Variants in SMAD4 observed in about 807,000 individuals in gnomAD.
SMAD4 encodes SMAD family member 4, also known as MAD homolog 4.
SMAD4 carries 7 observed loss-of-function variants against 63.2 expected under a neutral mutation model. That is an observed-to-expected ratio of 0.11 (90% CI 0.06 to 0.21). The LOEUF is 0.21. Ranked by LOEUF, SMAD4 falls within the 10% of genes least tolerant of loss-of-function variation. The probability of loss-of-function intolerance (pLI) is 1.00; values close to 1 mark genes in which losing one functional copy is unlikely to be tolerated. For missense variants in SMAD4, 312 were observed against 693.8 expected, an observed-to-expected ratio of 0.45 and a Z score of 6.18; for synonymous variants, 215 against 235.4, an observed-to-expected ratio of 0.91 and a Z score of 0.79.
At chr18:51,071,265 TACACACACACACACATAC>T (rs1391750807) in intron 10 of SMAD4, among the ~76,000 whole-genome samples, 2 of 150,626 alleles carry the variant, frequency 1.3e-5, no homozygotes, top group African/African-American at 2.4e-5. Context: ...TGCATGCACA[TACACACACACACACATAC>T]ACACACACAC....
rs971808024 is a variant in SMAD4, at chr18:51,079,412, A to T, written c.*945A>T. On this transcript the variant is annotated 3_prime_UTR_variant, in exon 12 of 12. Transcript: ENST00000342988. ...TTAAACTAAATAATGAATAAACTGA[A>T]TATTTTGGAAACTGCTAAATTCTAT... 27 of 233,380 alleles carry T rather than the reference A, an allele frequency of 1.2e-4. 1 individual carries two copies. Among genetic ancestry groups the T allele is most frequent in the Non-Finnish European group, 3.4e-5 (4 of 117,966 alleles). 14.5% of individuals were successfully genotyped at this position (233,380 alleles called of 1,614,324 possible). A position where few individuals can be genotyped will look rare whatever the true frequency, so the allele number is the denominator to read the frequency against.
In SMAD4 at chr18:51,066,876, T is replaced by C. The variant is rs573585169; in HGVS notation, c.1140-143T>C. On this transcript the variant is annotated intron_variant, in intron 9 of 11. Transcript: ENST00000342988. ...GAACAGGAAAAGAAAAAAGGAAATA[T>C]ACAAAAATGTTAATAGCTATCTTTT... 2.2e-4 allele frequency: 145 copies of C among 664,202 alleles called. No homozygotes were observed. In the African/African-American group the frequency reaches 2.2e-3, roughly 10 times the overall value. The allele number at this position is 664,202 out of a possible 1,614,324, so 41.1% of individuals were successfully genotyped here.
intron 1 of SMAD4, among the ~76,000 whole-genome samples, chr18:51,040,087 T>C (rs1470778756): frequency 2.0e-5 from 3 of 152,142 alleles, no homozygotes; most frequent in South Asian, 2.1e-4. Flanking sequence ...AGTAATAACA[T>C]TGATATATTA....
intron 4 of SMAD4, chr18:51,054,234 A>C (rs940865775): frequency 6.3e-6 from 1 of 157,858 alleles, no homozygotes. Context: ...TTCTAAACCT[A>C]TAGGGGACAT....
In SMAD4 at chr18:51,081,677, G is replaced by T. The variant is rs1221928310; in HGVS notation, c.*3210G>T. 9 of 232,878 alleles carry T rather than the reference G, an allele frequency of 3.9e-5. No individual in the cohort carries two copies. Among genetic ancestry groups the T allele is most frequent in the Admixed American group, 2.8e-4 (5 of 17,782 alleles). 14.4% of individuals were successfully genotyped at this position (232,878 alleles called of 1,614,324 possible). On this transcript the variant is annotated 3_prime_UTR_variant, in exon 12 of 12. Coordinates refer to ENST00000342988, the MANE Select transcript of SMAD4 (RefSeq NM_005359.6). Reference sequence around the variant, plus strand: ...TTAAAATCCATTTTTGTGGGGCAGGGTGTGGTGTGTAAAGGGGGGTGTTTG... The same window carrying T: ...TTAAAATCCATTTTTGTGGGGCAGGTTGTGGTGTGTAAAGGGGGGTGTTTG...
At position 51,074,731 on chromosome 18, in the gene SMAD4, C is replaced by T. The variant is rs1055247380; in HGVS notation, c.1309-1907C>T. Among the ~76,000 whole-genome samples, 3 of 152,248 alleles carry T rather than the reference C, an allele frequency of 2.0e-5. No homozygotes were observed. In the East Asian group the frequency reaches 5.8e-4, roughly 29 times the overall value. ...TATTTACCTTTTCAAATGTTTGAGT[C>T]CCTGCTTTGTTCTGTACTGGGTAAT... is the stretch of plus-strand genomic sequence containing the variant. On this transcript the variant is annotated intron_variant, in intron 10 of 11. Coordinates refer to ENST00000342988, the MANE Select transcript of SMAD4 (RefSeq NM_005359.6).
At chr18:51,038,634 T>C (rs1207424247) in intron 1 of SMAD4, among the ~76,000 whole-genome samples, 1 of 152,246 alleles carries the variant, frequency 6.6e-6, no homozygotes, top group Non-Finnish European at 1.5e-5. Flanking sequence ...GAAGCAGATA[T>C]GGGAATCCAG....
intron 1 of SMAD4, among the ~76,000 whole-genome samples, chr18:51,043,189 GA>G (rs1909440596): frequency 6.6e-6 from 1 of 151,770 alleles, no homozygotes; most frequent in Non-Finnish European, 1.5e-5. Flanking sequence ...TTATTTGTTG[GA>G]AAAAAAATGG....
rs748283001 is a variant in SMAD4, at chr18:51,065,420, T to C, written c.956-3T>C. On this transcript the variant is annotated splice_polypyrimidine_tract_variant and splice_region_variant and intron_variant, in intron 8 of 11. Coordinates refer to ENST00000342988, the MANE Select transcript of SMAD4 (RefSeq NM_005359.6). ...GATGTTCTTTCCCATTTATTTCCTA[T>C]AGCTCCTGAGTATTGGTGTTCCATT... The C allele has an allele frequency of 5.0e-6, 8 of 1,609,026 alleles. No homozygotes were observed. The African/African-American group carries it at 9.3e-5, about 19-fold the overall frequency.
intron 8 of SMAD4, 27 bp from the exon 9 acceptor site, chr18:51,065,396 A>C (rs1348121712): frequency 6.3e-7 from 1 of 1,578,392 alleles, no homozygotes; most frequent in Non-Finnish European, 8.7e-7. Context: ...TCATGGGAGG[A>C]TGTTCTTTCC....
At chr18:51,037,189 CAA>C (rs982604755) in intron 1 of SMAD4, among the ~76,000 whole-genome samples, 1 of 151,982 alleles carries the variant, frequency 6.6e-6, no homozygotes, top group African/African-American at 2.4e-5. Context: ...CTCAAAAAAA[CAA>C]AAAAAGTTTT....
At chr18:51,040,653 G>C (rs1424748442) in intron 1 of SMAD4, among the ~76,000 whole-genome samples, 1 of 152,192 alleles carries the variant, frequency 6.6e-6, no homozygotes, top group Non-Finnish European at 1.5e-5. Context: ...TTTAATTTTA[G>C]AGAGTATCTT....
At chr18:51,052,664 A>G (rs1017867824) in intron 4 of SMAD4, 2 of 284,620 alleles carry the variant, frequency 7.0e-6, no homozygotes, top group Non-Finnish European at 7.1e-6. Flanking sequence ...TCAAAATACT[A>G]TAAAAAGGTA....
intron 5 of SMAD4, among the ~76,000 whole-genome samples, chr18:51,057,374 T>C (rs1464425921): frequency 1.3e-5 from 2 of 152,178 alleles, no homozygotes; most frequent in South Asian, 2.1e-4. Context: ...AGGATGGTTT[T>C]TGAATAGAAT....
chr18:51,049,647 G>A (rs773866096), intron 4 of SMAD4: 20 of 298,686 alleles, frequency 6.7e-5, no homozygotes, highest in Non-Finnish European at 1.2e-4. Flanking sequence ...ATCTCACAGA[G>A]CCAGTTTAAA....
intron 1 of SMAD4, among the ~76,000 whole-genome samples, chr18:51,034,542 C>T (rs1035862321): frequency 2.6e-5 from 4 of 152,132 alleles, no homozygotes; most frequent in South Asian, 2.1e-4. Context: ...TGAGCCACCG[C>T]GCCCAGCCTT....
intron 10 of SMAD4, among the ~76,000 whole-genome samples, chr18:51,073,016 A>G (rs1354317099): frequency 6.6e-6 from 1 of 152,128 alleles, no homozygotes; most frequent in African/African-American, 2.4e-5. Flanking sequence ...ACCTAACTGA[A>G]TAATTTTAGG....
At chr18:51,055,226 T>C (rs987945922) in intron 5 of SMAD4, among the ~76,000 whole-genome samples, 1 of 152,216 alleles carries the variant, frequency 6.6e-6, no homozygotes, top group African/African-American at 2.4e-5. Flanking sequence ...TACTATTACA[T>C]GTAGCAGTAA....
intron 1 of SMAD4, among the ~76,000 whole-genome samples, chr18:51,045,864 T>A (rs1349366388): frequency 6.6e-6 from 1 of 152,160 alleles, no homozygotes; most frequent in Non-Finnish European, 1.5e-5. Context: ...TTCTGTATAT[T>A]TCATATAAAT....
Sources: gnomAD v4.1 joint callset for allele counts (sites outside exome capture counted in the v4.1 genomes callset) on GRCh38, gnomAD v4.1.1 for gene constraint, MANE v1.5 for transcripts, NCBI Gene and HGNC (gene_info 2026-07-23, HGNC 2026-07-21) for gene names.